MBD5: variants seen among roughly 807,000 people sequenced by gnomAD.
The protein encoded by MBD5 is methyl-CpG binding domain protein 5, also known as methyl-CpG-binding domain protein 5.
In MBD5, 13 loss-of-function variants were observed where a neutral mutation model predicts 117.3. That is an observed-to-expected ratio of 0.11 (90% CI 0.07 to 0.18). The LOEUF is 0.18. Ranked by LOEUF, MBD5 falls within the 10% of genes least tolerant of loss-of-function variation. The pLI, the probability that MBD5 is intolerant of heterozygous loss-of-function variation, is 1.00. For missense variants in MBD5, 1,879 were observed against 2,093.8 expected (o/e 0.90, Z 2.00); for synonymous variants, 727 against 766.4 (o/e 0.95, Z 0.85).
intron 3 of MBD5, among the ~76,000 whole-genome samples, chr2:148,341,975 G>T (rs1267974187): frequency 4.0e-5 from 6 of 151,804 alleles, no homozygotes; most frequent in Non-Finnish European, 5.9e-5. Context: ...TATTAAATAT[G>T]TTTCTTCTGA....
chr2:148,351,837 C>T (rs1261507412), intron 4 of MBD5, among the ~76,000 whole-genome samples: 1 of 152,012 alleles, frequency 6.6e-6, no homozygotes, highest in Non-Finnish European at 1.5e-5. Flanking sequence ...TCTCTCTACC[C>T]TTCATGTCCT....
chr2:148,408,129 G>A (rs1449533728), intron 4 of MBD5, among the ~76,000 whole-genome samples: 1 of 152,024 alleles, frequency 6.6e-6, no homozygotes, highest in Non-Finnish European at 1.5e-5. Context: ...AGAAAAAGCT[G>A]CAATAAAGAA....
intron 4 of MBD5, among the ~76,000 whole-genome samples, chr2:148,345,016 G>A (rs1000567931): frequency 2.0e-5 from 3 of 151,686 alleles, no homozygotes; most frequent in Non-Finnish European, 2.9e-5. Flanking sequence ...ATGTCCTAGT[G>A]TATAGTATTA....
At chr2:148,462,250 G>C (rs185336837) in intron 5 of MBD5, among the ~76,000 whole-genome samples, 1 of 152,196 alleles carries the variant, frequency 6.6e-6, no homozygotes, top group East Asian at 1.9e-4. Flanking sequence ...CTTTTATGTA[G>C]TTTTCTTGTT....
intron 3 of MBD5, among the ~76,000 whole-genome samples, chr2:148,322,588 C>A (rs1702310162): frequency 6.6e-6 from 1 of 152,050 alleles, no homozygotes. Context: ...GACTTACATA[C>A]CTTGATTATT....
chr2:148,104,599 A>C (rs544689416), intron 1 of MBD5, among the ~76,000 whole-genome samples: 65 of 152,312 alleles, frequency 4.3e-4, no homozygotes, highest in African/African-American at 1.5e-3. Context: ...AAAAATTTTC[A>C]GCATTCTCGA....
rs534692685 is a variant in MBD5, at chr2:148,028,542, A to G, written c.-925+6858A>G. 6 of 152,194 alleles carry G rather than the reference A, an allele frequency of 3.9e-5. No individual in the cohort carries two copies. In the South Asian group the frequency reaches 1.0e-3, roughly 26 times the overall value. The allele number at this position is 152,194 out of a possible 1,614,324, so 9.4% of individuals were successfully genotyped here. A position where few individuals can be genotyped will look rare whatever the true frequency, so the allele number is the denominator to read the frequency against. ...ACCATGAGTCCAGAAGTATCTACTA[A>G]TCTGTTGGCCATCAACTAACTTAAT... On this transcript the variant is annotated intron_variant, in intron 1 of 13. Transcript: ENST00000642680.
At chr2:148,027,133 ATTGTC>A (rs1217034531) in intron 1 of MBD5, 1 of 152,108 alleles carries the variant, frequency 6.6e-6, no homozygotes, top group Non-Finnish European at 1.5e-5. Flanking sequence ...GGAAGTTTAT[ATTGTC>A]TTGTGCTTTG....
At position 148,513,134 on chromosome 2, in the gene MBD5, C is replaced by T. The variant is rs920103363; in HGVS notation, c.*193C>T. The T allele has an allele frequency of 1.7e-5, 10 of 598,864 alleles. No individual in the cohort carries two copies. Among genetic ancestry groups the T allele is most frequent in the Non-Finnish European group, 3.0e-5 (10 of 336,090 alleles). 37.1% of individuals were successfully genotyped at this position (598,864 alleles called of 1,614,324 possible). ...GGAAGGATAATGAATGCTGGAAAAG[C>T]CAATCAAAGTCTCTGTGTGATGAGA... is the stretch of plus-strand genomic sequence containing the variant. On this transcript the variant is annotated 3_prime_UTR_variant, in exon 14 of 14. Transcript: ENST00000642680.
chr2:148,066,470 A>G (rs1424548029), intron 1 of MBD5, among the ~76,000 whole-genome samples: 5 of 150,806 alleles, frequency 3.3e-5, no homozygotes, highest in Non-Finnish European at 5.9e-5. Context: ...GATCTACCGC[A>G]TATACCATTT....
chr2:148,235,946 G>A (rs1190886769), intron 3 of MBD5, among the ~76,000 whole-genome samples: 1 of 151,924 alleles, frequency 6.6e-6, no homozygotes, highest in South Asian at 2.1e-4. Context: ...ATACAGGCAT[G>A]CGCTATCACA....
chr2:148,429,774 C>T (rs965324068), intron 4 of MBD5, among the ~76,000 whole-genome samples: 4 of 152,124 alleles, frequency 2.6e-5, no homozygotes, highest in African/African-American at 9.7e-5. Flanking sequence ...TATGTTCTCA[C>T]TCATAAGTGG....
At chr2:148,026,067 G>A (rs1208291174) in intron 1 of MBD5, 1 of 152,168 alleles carries the variant, frequency 6.6e-6, no homozygotes, top group Non-Finnish European at 1.5e-5. Flanking sequence ...TTAAAAAGAA[G>A]GTGGGGATGC....
chr2:148,379,017 G>A (rs977860186), intron 4 of MBD5, among the ~76,000 whole-genome samples: 1 of 151,938 alleles, frequency 6.6e-6, no homozygotes, highest in African/African-American at 2.4e-5. Context: ...GTAGAGATTT[G>A]TAGACTAAAA....
intron 2 of MBD5, among the ~76,000 whole-genome samples, chr2:148,217,933 C>G (rs999765746): frequency 6.6e-6 from 1 of 152,080 alleles, no homozygotes; most frequent in Admixed American, 6.6e-5. Flanking sequence ...GGCCAGGCTT[C>G]CAAACCTCTT....
At chr2:148,370,846 T>G (rs1037257002) in intron 4 of MBD5, among the ~76,000 whole-genome samples, 1 of 152,202 alleles carries the variant, frequency 6.6e-6, no homozygotes, top group African/African-American at 2.4e-5. Context: ...AGAAAAAGAC[T>G]GTTACAGATT....
At chr2:148,462,521 T>C (rs1055422848) in intron 5 of MBD5, 61 bp from the exon 6 acceptor site, 2 of 1,109,690 alleles carry the variant, frequency 1.8e-6, no homozygotes, top group African/African-American at 3.1e-5. Flanking sequence ...ATTATGCCTT[T>C]TTTCATATAA....
chr2:148,407,808 T>C (rs2105148358), intron 4 of MBD5, among the ~76,000 whole-genome samples: 1 of 152,318 alleles, frequency 6.6e-6, no homozygotes, highest in Admixed American at 6.5e-5. Flanking sequence ...TTGTTTTTAG[T>C]GTAAAAATTC....
At chr2:148,121,979 T>A (rs993169545) in intron 1 of MBD5, among the ~76,000 whole-genome samples, 15 of 152,070 alleles carry the variant, frequency 9.9e-5, no homozygotes, top group African/African-American at 3.6e-4. Context: ...TTCTTTGGAG[T>A]CAACTCTCAG....
Sources: gnomAD v4.1 joint callset for allele counts (sites outside exome capture counted in the v4.1 genomes callset) on GRCh38, gnomAD v4.1.1 for gene constraint, MANE v1.5 for transcripts, NCBI Gene and HGNC (gene_info 2026-07-23, HGNC 2026-07-21) for gene names.